SAMMSON: variants seen among roughly 807,000 people sequenced by gnomAD.
The protein encoded by SAMMSON is survival associated mitochondrial melanoma specific oncogenic non-coding RNA, also known as long intergenic non-protein coding RNA 1212.
chr3:70,196,269 T>C (rs1239960113), intron 4 of SAMMSON, among the ~76,000 whole-genome samples: 2 of 152,160 alleles, frequency 1.3e-5, no homozygotes, highest in African/African-American at 4.8e-5. Flanking sequence ...AATAATATGG[T>C]CTAGAATTAT....
chr3:70,065,451 T>A lies in SAMMSON; in HGVS notation n.418-6025T>A, dbSNP rs1215321652. 2.6e-5 allele frequency: 4 copies of A among 152,180 alleles called. No homozygotes were observed. The East Asian group carries it at 5.8e-4, about 22-fold the overall frequency. 9.4% of individuals were successfully genotyped at this position (152,180 alleles called of 1,614,324 possible). A position where few individuals can be genotyped will look rare whatever the true frequency, so the allele number is the denominator to read the frequency against. On this transcript the variant is annotated intron_variant and non_coding_transcript_variant, in intron 3 of 9. Transcript: ENST00000642114. ...TCTGTTGGGCCAAAGTTTTCATGAGTTGTCCATAAAACTATTATTAGATTG... is the reference window on the plus strand; with the variant it reads ...TCTGTTGGGCCAAAGTTTTCATGAGATGTCCATAAAACTATTATTAGATTG...
chr3:70,128,900 T>C (rs751005989), intron 4 of SAMMSON, among the ~76,000 whole-genome samples: 1 of 152,244 alleles, frequency 6.6e-6, no homozygotes. Context: ...GTGAAAAGTA[T>C]GAAAAATTTA....
intron 2 of SAMMSON, among the ~76,000 whole-genome samples, chr3:70,427,424 C>T (rs1701378778): frequency 6.6e-6 from 1 of 152,122 alleles, no homozygotes; most frequent in Admixed American, 6.5e-5. Flanking sequence ...ATGAGGATTA[C>T]CTAAAAGGTG....
intron 9 of SAMMSON, among the ~76,000 whole-genome samples, chr3:70,369,112 T>C (rs1702944421): frequency 6.6e-6 from 1 of 151,650 alleles, no homozygotes; most frequent in Non-Finnish European, 1.5e-5. Context: ...CTATTATAAA[T>C]GTCTATTTTA....
At chr3:70,019,801 C>G (rs1576098454) in intron 3 of SAMMSON, among the ~76,000 whole-genome samples, 1 of 151,952 alleles carries the variant, frequency 6.6e-6, no homozygotes, top group African/African-American at 2.4e-5. Flanking sequence ...AAGTGCTGTT[C>G]TTAGGAATTA....
At chr3:70,206,095 C>T (rs766301794) in intron 4 of SAMMSON, among the ~76,000 whole-genome samples, 11 of 151,868 alleles carry the variant, frequency 7.2e-5, no homozygotes, top group Non-Finnish European at 1.3e-4. Context: ...GGGAACCACT[C>T]CTTTCTCATA....
At chr3:70,295,765 G>T (rs1702284275) in intron 7 of SAMMSON, among the ~76,000 whole-genome samples, 1 of 152,114 alleles carries the variant, frequency 6.6e-6, no homozygotes, top group Non-Finnish European at 1.5e-5. Flanking sequence ...TTTGATCTGT[G>T]ATATCTTTTG....
At chr3:70,281,080 A>G (rs532280633) in intron 6 of SAMMSON, among the ~76,000 whole-genome samples, 4 of 152,186 alleles carry the variant, frequency 2.6e-5, no homozygotes, top group African/African-American at 7.2e-5. Flanking sequence ...TAAATTTTGT[A>G]TGCCTTTTCT....
intron 5 of SAMMSON, chr3:70,249,592 A>T (rs1701740499): frequency 6.6e-6 from 1 of 151,970 alleles, no homozygotes; most frequent in Admixed American, 6.6e-5. Flanking sequence ...ATATCATTGC[A>T]GGTGCCCCTG....
At chr3:70,315,163 G>A (rs996154233) in intron 7 of SAMMSON, among the ~76,000 whole-genome samples, 2 of 152,164 alleles carry the variant, frequency 1.3e-5, no homozygotes, top group African/African-American at 4.8e-5. Context: ...ATAGTGTGGT[G>A]ACTAATTTGG....
chr3:70,373,617 T>C (rs187084550), intron 9 of SAMMSON, among the ~76,000 whole-genome samples: 4 of 152,204 alleles, frequency 2.6e-5, no homozygotes, highest in African/African-American at 9.6e-5. Flanking sequence ...TTTCTCATTA[T>C]GGTCCAGTAC....
chr3:70,044,753 T>C (rs936343753), intron 3 of SAMMSON, among the ~76,000 whole-genome samples: 2 of 151,294 alleles, frequency 1.3e-5, no homozygotes, highest in African/African-American at 2.4e-5. Context: ...ACTTACAATA[T>C]ATATTACATA....
intron 3 of SAMMSON, among the ~76,000 whole-genome samples, chr3:70,023,252 C>T (rs922853560): frequency 3.4e-4 from 51 of 151,748 alleles, no homozygotes; most frequent in African/African-American, 9.7e-4. Context: ...GTCAGGAGAT[C>T]GAGACCATCC....
At chr3:70,279,542 C>A (rs1459795695) in intron 6 of SAMMSON, among the ~76,000 whole-genome samples, 1 of 152,180 alleles carries the variant, frequency 6.6e-6, no homozygotes, top group African/African-American at 2.4e-5. Flanking sequence ...AAATGTGTCA[C>A]CCCATCATCA....
At chr3:70,319,001 C>T (rs1559562809) in intron 7 of SAMMSON, among the ~76,000 whole-genome samples, 1 of 152,006 alleles carries the variant, frequency 6.6e-6, no homozygotes, top group Non-Finnish European at 1.5e-5. Flanking sequence ...TCTGCTAGTA[C>T]TGTATTAACT....
intron 9 of SAMMSON, among the ~76,000 whole-genome samples, chr3:70,368,597 A>G (rs1319852838): frequency 2.0e-5 from 3 of 151,454 alleles, no homozygotes; most frequent in Admixed American, 2.0e-4. Flanking sequence ...ATGGGCATCC[A>G]TTTTCTAATG....
chr3:70,389,221 A>G (rs55977877), intron 9 of SAMMSON, among the ~76,000 whole-genome samples: 14,032 of 152,124 alleles, frequency 0.092, 837 homozygotes, highest in East Asian at 0.33. Context: ...TAAACTACCC[A>G]GTCTCAGGTA....
intron 4 of SAMMSON, among the ~76,000 whole-genome samples, chr3:70,121,687 C>G (rs1184427811): frequency 2.0e-5 from 3 of 152,104 alleles, no homozygotes. Flanking sequence ...ACACAGCAAA[C>G]AAACAAAATA....
intron 1 of SAMMSON, among the ~76,000 whole-genome samples, chr3:70,000,197 G>A (rs1444158720): frequency 2.0e-5 from 3 of 152,122 alleles, no homozygotes; most frequent in African/African-American, 7.2e-5. Flanking sequence ...TGGGGCTTCG[G>A]GAGCTGTAAA....
Sources: allele counts gnomAD v4.1 joint callset (sites outside exome capture counted in the v4.1 genomes callset), GRCh38; gene constraint gnomAD v4.1.1; transcripts MANE v1.5; gene names NCBI Gene and HGNC (gene_info 2026-07-23, HGNC 2026-07-21).